Variants in URB2 observed in about 807,000 individuals in gnomAD.
URB2 encodes the protein unhealthy ribosome biogenesis protein 2 homolog.
A neutral mutation model predicts 120.9 loss-of-function variants in URB2; 86 were observed. That is an observed-to-expected ratio of 0.71 (90% CI 0.60 to 0.85). URB2 has a LOEUF of 0.85. Among genes scored for constraint, URB2 ranks in the 40% least tolerant of loss-of-function variants. The pLI, the probability that URB2 is intolerant of heterozygous loss-of-function variation, is 0.00. For synonymous variants in URB2, 755 were observed against 758.4 expected (o/e 1.00, Z 0.07); for missense variants, 1,765 against 1,836.5 (o/e 0.96, Z 0.71).
Position 229,634,837 on chromosome 1 carries a change from G to A in URB2, c.304-80G>A, listed in dbSNP as rs1324669809. On this transcript the variant is annotated intron_variant, in intron 3 of 9. Coordinates refer to ENST00000258243, the MANE Select transcript of URB2 (RefSeq NM_014777.4). ...GATGAGGGAAAGGGGTGAGTTTGTT[G>A]ATTTTTTTTTTTAATACTTTTCTTG... 34 of 1,252,434 alleles carry A rather than the reference G, an allele frequency of 2.7e-5. 1 individual carries two copies. The East Asian group carries it at 7.9e-4, about 29-fold the overall frequency. 77.6% of individuals were successfully genotyped at this position (1,252,434 alleles called of 1,614,324 possible).
rs776786877 is a variant in URB2, at chr1:229,632,350, C to T, written c.208C>T (p.Leu70Phe). Residue 70 changes from leucine (L) to phenylalanine (F), a missense_variant, in exon 3 of 10, where the codon CTT (leucine) becomes TTT (phenylalanine). Transcript: ENST00000258243. ...LELKEDIVERLWIYIDNILHS... is the reference protein window; with the variant it reads ...LELKEDIVERFWIYIDNILHS... Reference sequence around the variant, plus strand: ...ACTGAAGGAAGATATTGTTGAAAGGCTTTGGATCTATATAGATAACATTTT... The same window carrying T: ...ACTGAAGGAAGATATTGTTGAAAGGTTTTGGATCTATATAGATAACATTTT... The T allele has an allele frequency of 1.3e-6, 2 of 1,595,086 alleles. No individual in the cohort carries two copies. Among genetic ancestry groups the T allele is most frequent in the East Asian group, 2.3e-5 (1 of 43,942 alleles).
chr1:229,642,972 G>A (rs910435903), intron 4 of URB2, among the ~76,000 whole-genome samples: 3 of 152,278 alleles, frequency 2.0e-5, no homozygotes, highest in South Asian at 2.1e-4. Flanking sequence ...CGTATTTTGT[G>A]TATGTATTTA....
intron 2 of URB2, among the ~76,000 whole-genome samples, chr1:229,631,075 GC>G (rs1354875530): frequency 6.6e-6 from 1 of 150,710 alleles, no homozygotes; most frequent in Middle Eastern, 3.2e-3. Flanking sequence ...GTTTAGTTTA[GC>G]CAACTTCATC....
At position 229,638,023 on chromosome 1, in the gene URB2, C is replaced by T; in HGVS notation, c.3410C>T (p.Ala1137Val). Reference protein sequence around the residue: ...DLGQHCRDGGADISQGSDRTL... With the variant: ...DLGQHCRDGGVDISQGSDRTL... Reference sequence around the variant, plus strand: ...GGTCAGCACTGCAGGGATGGAGGGGCCGACATTTCCCAAGGAAGCGACAGG... The same window carrying T: ...GGTCAGCACTGCAGGGATGGAGGGGTCGACATTTCCCAAGGAAGCGACAGG... The change falls in exon 4 of 10, where the codon GCC becomes GTC. Residue 1137 changes from alanine (A) to valine (V), a missense_variant. Ala to Val is a moderately conservative substitution (Grantham distance 64). Coordinates refer to ENST00000258243, the MANE Select transcript of URB2 (RefSeq NM_014777.4). The T allele has an allele frequency of 6.2e-7, 1 of 1,612,960 alleles. No individual in the cohort carries two copies. Among genetic ancestry groups the T allele is most frequent in the Non-Finnish European group, 8.5e-7 (1 of 1,179,292 alleles).
chr1:229,636,978 GAAAA>G lies in URB2; in HGVS notation c.2368_2371del (p.Lys790TyrfsTer22), dbSNP rs1385906840. The G allele has an allele frequency of 6.2e-7, 1 of 1,614,072 alleles. No homozygotes were observed. Among genetic ancestry groups the G allele is most frequent in the South Asian group, 1.1e-5 (1 of 91,090 alleles). On this transcript the variant is annotated frameshift_variant, in exon 4 of 10. Transcript: ENST00000258243. LOFTEE classifies it high-confidence loss of function. ...AGATGAAGAGGCATACATCACACTG[GAAAA>G]AATATCCAAAGCCTTCCTTCATAGC...
rs1261501487 is a variant in URB2 at position 229,635,632 on chromosome 1, T to C, written c.1019T>C (p.Leu340Pro). The part of the protein sequence containing the change: ...RLFGCLKISH[L>P]QEEQSKALST... ...TTTGGCTGCTTGAAGATTTCACACC[T>C]GCAGGAGGAGCAGAGCAAAGCCCTG... The change falls in exon 4 of 10, where the codon CTG becomes CCG. Residue 340 changes from leucine to proline, a missense_variant. Leu to Pro is a moderately conservative substitution (Grantham distance 98). Coordinates refer to ENST00000258243, the MANE Select transcript of URB2 (RefSeq NM_014777.4). 4 of 1,614,078 alleles carry C rather than the reference T, an allele frequency of 2.5e-6. No individual in the cohort carries two copies. The South Asian group carries it at 3.3e-5, about 13-fold the overall frequency.
intron 4 of URB2, among the ~76,000 whole-genome samples, chr1:229,638,587 A>G (rs895643305): frequency 4.0e-5 from 6 of 151,864 alleles, no homozygotes; most frequent in African/African-American, 1.5e-4. Flanking sequence ...CAGAGCTTGC[A>G]GTGAGCCAAG....
Position 229,635,236 on chromosome 1 carries a change from T to C in URB2, c.623T>C (p.Leu208Pro), listed in dbSNP as rs1017787235. The C allele has an allele frequency of 6.2e-7, 1 of 1,614,126 alleles. No individual in the cohort carries two copies. The highest frequency in any genetic ancestry group is 1.3e-5 in the African/African-American group (1 of 74,952). ...CACCTGCTCCAGCCGTGCCTGGTCCTGAGGCACTTACTCTCTGGGGGCACA... is the reference window on the plus strand; with the variant it reads ...CACCTGCTCCAGCCGTGCCTGGTCCCGAGGCACTTACTCTCTGGGGGCACA... The part of the protein sequence containing the change: ...TAHLLQPCLV[L>P]RHLLSGGTWT... The change falls in exon 4 of 10, where the codon CTG becomes CCG. Residue 208 changes from leucine (L) to proline (P), a missense_variant. Coordinates refer to ENST00000258243, the MANE Select transcript of URB2 (RefSeq NM_014777.4).
At chr1:229,632,199 C>G in intron 2 of URB2, 70 bp from the exon 3 acceptor site, 1 of 1,360,124 alleles carries the variant, frequency 7.4e-7, no homozygotes, top group Admixed American at 2.9e-5. Flanking sequence ...CCTGTAATGT[C>G]CCTATAATGT....
intron 5 of URB2, 66 bp from the exon 6 acceptor site, chr1:229,645,793 C>T (rs1666130313): frequency 7.3e-7 from 1 of 1,377,840 alleles, no homozygotes; most frequent in Non-Finnish European, 1.0e-6. Context: ...AGTCTTCTTC[C>T]CCAGGCGGAG....
At chr1:229,628,920 C>T (rs1665596458) in intron 2 of URB2, among the ~76,000 whole-genome samples, 1 of 152,180 alleles carries the variant, frequency 6.6e-6, no homozygotes, top group Admixed American at 6.5e-5. Context: ...ATATCCAGTG[C>T]TTTCTACACC....
chr1:229,659,804 T>TA lies in URB2; in HGVS notation c.*508dup, dbSNP rs1213067740. ...GCTTTCTGAAGAAGTCAGGGAAAGT[T>TA]AGAGTCTGTGGCCTGAGGTGTCTGC... On this transcript the variant is annotated 3_prime_UTR_variant, in exon 10 of 10. Transcript: ENST00000258243. 2.0e-5 allele frequency: 3 copies of TA among 153,652 alleles called. No homozygotes were observed. The highest frequency in any genetic ancestry group is 4.3e-5 in the Non-Finnish European group (3 of 68,982). 9.5% of individuals were successfully genotyped at this position (153,652 alleles called of 1,614,324 possible).
At position 229,659,206 on chromosome 1, in the gene URB2, C is replaced by A. The variant is rs761646981; in HGVS notation, c.4484C>A (p.Pro1495Gln). The A allele has an allele frequency of 6.2e-7, 1 of 1,613,754 alleles. No homozygotes were observed. Among genetic ancestry groups the A allele is most frequent in the African/African-American group, 1.3e-5 (1 of 74,868 alleles). ...CAGTTCCTGCGGGCCTCGCTGCAGC[C>A]GGGAATGAGAGACATCTTTAAGGAG... The part of the protein sequence containing the change: ...DVQFLRASLQ[P>Q]GMRDIFKELY... Residue 1495 changes from proline (P) to glutamine (Q), a missense_variant, in exon 10 of 10, where the codon CCG becomes CAG. Pro to Gln is a moderately conservative substitution (Grantham distance 76). Coordinates refer to ENST00000258243, the MANE Select transcript of URB2 (RefSeq NM_014777.4).
intron 1 of URB2, 144 bp downstream of exon 1, chr1:229,626,500 CG>C: frequency 6.5e-6 from 1 of 153,014 alleles, no homozygotes; most frequent in African/African-American, 2.4e-5. Context: ...GTTCCGGTGC[CG>C]CCAGCAGACT....
At chr1:229,634,367 G>A (rs908884658) in intron 3 of URB2, among the ~76,000 whole-genome samples, 12 of 151,874 alleles carry the variant, frequency 7.9e-5, no homozygotes, top group African/African-American at 2.7e-4. Flanking sequence ...CACCATGCCC[G>A]GTTAATTTTT....
rs1407988536 is a variant in URB2, at chr1:229,647,641, C to T, written c.4038C>T (p.Ala1346=). The stretch of plus-strand genomic sequence containing the variant: ...GCAACCCCCACCACGTCAGCCTGGC[C>T]TTCAGCATCCTTCTCACTGTCCCTT... ...AIGNPHHVSL[A]FSILLTVPLD... Residue 1346 remains alanine, a synonymous_variant, in exon 7 of 10, where the codon GCC becomes GCT. Coordinates refer to ENST00000258243, the MANE Select transcript of URB2 (RefSeq NM_014777.4). The T allele has an allele frequency of 6.2e-7, 1 of 1,614,162 alleles. No homozygotes were observed. The highest frequency in any genetic ancestry group is 1.1e-5 in the South Asian group (1 of 91,066).
chr1:229,641,978 C>G (rs1214991924), intron 4 of URB2, among the ~76,000 whole-genome samples: 2 of 152,090 alleles, frequency 1.3e-5, no homozygotes, highest in African/African-American at 4.8e-5. Flanking sequence ...CCACTGCACT[C>G]CAGCCTGGGT....
chr1:229,659,166 A>C lies in URB2; in HGVS notation c.4444A>C (p.Ile1482Leu). Residue 1482 changes from isoleucine to leucine, a missense_variant, in exon 10 of 10, where the codon ATC (isoleucine) becomes CTC (leucine). Ile to Leu is a conservative substitution (Grantham distance 5). Coordinates refer to ENST00000258243, the MANE Select transcript of URB2 (RefSeq NM_014777.4). ...CATTTACCTCATCCTGGACCTCTGC[A>C]TCGAGCCTGACGTCCAGTTCCTGCG... ...EGIYLILDLC[I>L]EPDVQFLRAS... 1 of 1,613,282 alleles carries C rather than the reference A, an allele frequency of 6.2e-7. No homozygotes were observed. Among genetic ancestry groups the C allele is most frequent in the Non-Finnish European group, 8.5e-7 (1 of 1,180,042 alleles).
At chr1:229,634,840 T>G in intron 3 of URB2, 77 bp from the exon 4 acceptor site, 1 of 1,316,636 alleles carries the variant, frequency 7.6e-7, no homozygotes, top group Non-Finnish European at 1.0e-6. Context: ...GTTTGTTGAT[T>G]TTTTTTTTTA....
Sources: gnomAD v4.1 joint callset for allele counts (sites outside exome capture counted in the v4.1 genomes callset) on GRCh38, gnomAD v4.1.1 for gene constraint, MANE v1.5 for transcripts, NCBI Gene and HGNC (gene_info 2026-07-23, HGNC 2026-07-21) for gene names.